GGH: variants seen among roughly 807,000 people sequenced by gnomAD.
GGH encodes the protein gamma-Glu-X carboxypeptidase.
GGH carries 18 observed loss-of-function variants against 39.2 expected under a neutral mutation model. The observed-to-expected ratio is 0.46, with a 90% CI of 0.32 to 0.68. GGH has a LOEUF of 0.68. Ranked by LOEUF, GGH falls within the 30% of genes least tolerant of loss-of-function variation. GGH has a pLI of 0.04. For synonymous variants in GGH, 147 were observed against 138.8 expected, an observed-to-expected ratio of 1.06 and a Z score of -0.42; for missense variants, 367 against 384.1, an observed-to-expected ratio of 0.96 and a Z score of 0.37.
chr8:63,025,244 T>C (rs1804663192), intron 5 of GGH: 1 of 152,170 alleles, frequency 6.6e-6, no homozygotes, highest in South Asian at 2.1e-4. Flanking sequence ...CTCAATTATT[T>C]CAGGATGAAG....
intron 2 of GGH, among the ~76,000 whole-genome samples, chr8:63,034,285 G>T (rs1804860416): frequency 6.6e-6 from 1 of 151,842 alleles, no homozygotes; most frequent in Non-Finnish European, 1.5e-5. Flanking sequence ...TCTTGGTGTA[G>T]AAACAGTTAA....
At chr8:63,019,434 T>A (rs958109109) in intron 7 of GGH, among the ~76,000 whole-genome samples, 40 of 152,172 alleles carry the variant, frequency 2.6e-4, no homozygotes, top group African/African-American at 9.7e-4. Context: ...TGGACATTTT[T>A]AACAGGTGGG....
At chr8:63,019,443 G>A (rs1256686818) in intron 7 of GGH, among the ~76,000 whole-genome samples, 1 of 152,154 alleles carries the variant, frequency 6.6e-6, no homozygotes, top group African/African-American at 2.4e-5. Flanking sequence ...TTAACAGGTG[G>A]GATCAAGATC....
intron 7 of GGH, among the ~76,000 whole-genome samples, chr8:63,023,175 C>T (rs1235017279): frequency 6.6e-6 from 1 of 152,172 alleles, no homozygotes; most frequent in Admixed American, 6.5e-5. Flanking sequence ...CTAAGGCAAC[C>T]TTGAACAAAA....
chr8:63,015,594 G>C, intron 8 of GGH, 141 bp from the exon 9 acceptor site: 1 of 392,388 alleles, frequency 2.5e-6, no homozygotes. Flanking sequence ...TCTTCCTATA[G>C]AACAGCCATC....
intron 4 of GGH, 101 bp from the exon 5 acceptor site, chr8:63,026,397 A>G (rs1804685224): frequency 2.4e-6 from 2 of 837,930 alleles, no homozygotes; most frequent in East Asian, 5.3e-5. Flanking sequence ...TGAGTTACAC[A>G]TGGATTTCTG....
chr8:63,022,051 T>C (rs1236840595), intron 7 of GGH, among the ~76,000 whole-genome samples: 1 of 152,212 alleles, frequency 6.6e-6, no homozygotes, highest in Admixed American at 6.5e-5. Flanking sequence ...ACATATCCTT[T>C]GTCAGTTATA....
At chr8:63,037,374 G>A (rs930809367) in intron 1 of GGH, among the ~76,000 whole-genome samples, 2 of 152,102 alleles carry the variant, frequency 1.3e-5, no homozygotes, top group Non-Finnish European at 2.9e-5. Context: ...GTACCAGAAA[G>A]AGAAGTACAT....
intron 8 of GGH, 78 bp from the exon 9 acceptor site, chr8:63,015,531 G>A: frequency 2.3e-6 from 2 of 859,860 alleles, no homozygotes; most frequent in East Asian, 2.7e-5. Context: ...ATTTCTTCCT[G>A]CAATCAGCAT....
intron 1 of GGH, among the ~76,000 whole-genome samples, chr8:63,037,774 G>T (rs1015529246): frequency 6.6e-6 from 1 of 152,066 alleles, no homozygotes; most frequent in Non-Finnish European, 1.5e-5. Flanking sequence ...TTAATTCGTG[G>T]AGAATCAAAT....
Position 63,021,669 on chromosome 8 carries a change from CTTT to C in GGH, c.697+2235_697+2237del, listed in dbSNP as rs752057959. On this transcript the variant is annotated intron_variant, in intron 7 of 8. Coordinates refer to ENST00000260118, the MANE Select transcript of GGH (RefSeq NM_003878.3). ...ATGGTATCCATTCAAATCTCATATC[CTTT>C]TTTTTTTTTTTTTTTTTTTTGAGGC... 3.1e-4 allele frequency among the ~76,000 whole-genome samples: 29 copies of C among 93,304 alleles called. No homozygotes were observed. The East Asian group carries it at 8.5e-3, about 27-fold the overall frequency. 61.2% of individuals were successfully genotyped at this position (93,304 alleles called of 152,430 possible).
chr8:63,030,578 A>G (rs1211329056), intron 2 of GGH, among the ~76,000 whole-genome samples: 2 of 152,100 alleles, frequency 1.3e-5, no homozygotes, highest in Non-Finnish European at 2.9e-5. Flanking sequence ...TTATGTAAAG[A>G]CTCCTTTAAA....
chr8:63,029,240 C>T (rs1296005803), intron 3 of GGH, among the ~76,000 whole-genome samples: 1 of 152,102 alleles, frequency 6.6e-6, no homozygotes, highest in Non-Finnish European at 1.5e-5. Flanking sequence ...ATCTCTTCAC[C>T]CCCACCTTTA....
chr8:63,019,827 T>C (rs773870274), intron 7 of GGH, among the ~76,000 whole-genome samples: 2 of 152,206 alleles, frequency 1.3e-5, no homozygotes, highest in Non-Finnish European at 2.9e-5. Context: ...ATTAGGACCT[T>C]ATGGTCCTGA....
intron 1 of GGH, 116 bp from the exon 2 acceptor site, chr8:63,035,886 G>C (rs916211005): frequency 2.1e-6 from 2 of 962,698 alleles, no homozygotes; most frequent in Non-Finnish European, 3.0e-6. Flanking sequence ...GAATTAAATA[G>C]GAAGTCTCTC....
intron 1 of GGH, among the ~76,000 whole-genome samples, chr8:63,037,105 T>G (rs2129687926): frequency 6.6e-6 from 1 of 152,342 alleles, no homozygotes; most frequent in South Asian, 2.1e-4. Context: ...TAGGAAGAGC[T>G]GTTGTCTGTA....
At chr8:63,022,947 A>G (rs571847446) in intron 7 of GGH, among the ~76,000 whole-genome samples, 80 of 152,288 alleles carry the variant, frequency 5.3e-4, no homozygotes, top group South Asian at 1.2e-3. Flanking sequence ...CATAATACTA[A>G]TATCTAACAT....
chr8:63,017,684 A>T lies in GGH; in HGVS notation c.698-54T>A. On this transcript the variant is annotated intron_variant, in intron 7 of 8. Transcript: ENST00000260118. ...CTAAGAATGGTTTAAAATGTTACTT[A>T]TAATGAAATTGGTTTATTTCTTATG... 3.6e-6 allele frequency: 4 copies of T among 1,101,396 alleles called. No homozygotes were observed. In the South Asian group the frequency reaches 6.2e-5, roughly 17 times the overall value. 68.2% of individuals were successfully genotyped at this position (1,101,396 alleles called of 1,614,324 possible). A position where few individuals can be genotyped will look rare whatever the true frequency, so the allele number is the denominator to read the frequency against.
chr8:63,016,464 G>C (rs959612272), intron 8 of GGH, among the ~76,000 whole-genome samples: 1 of 152,046 alleles, frequency 6.6e-6, no homozygotes, highest in African/African-American at 2.4e-5. Flanking sequence ...GCTTGGAGAT[G>C]GAATGAAAGC....
Sources: allele counts gnomAD v4.1 joint callset (sites outside exome capture counted in the v4.1 genomes callset), GRCh38; gene constraint gnomAD v4.1.1; transcripts MANE v1.5; gene names NCBI Gene and HGNC (gene_info 2026-07-23, HGNC 2026-07-21).